The following PTPRD variants were observed in gnomAD, a reference collection of about 807,000 sequenced individuals.
PTPRD encodes the protein protein tyrosine phosphatase receptor type D.
In PTPRD, 34 loss-of-function variants were observed where a neutral mutation model predicts 214.5. The observed-to-expected ratio is 0.16, with a 90% confidence interval of 0.12 to 0.21. PTPRD has a LOEUF of 0.21. Ranked by LOEUF, PTPRD falls within the 10% of genes least tolerant of loss-of-function variation. The probability of loss-of-function intolerance (pLI) is 1.00; values close to 1 mark genes in which losing one functional copy is unlikely to be tolerated. For missense variants in PTPRD, 2,545 were observed against 2,398.7 expected, an observed-to-expected ratio of 1.06 and a Z score of -1.27; for synonymous variants, 1,128 against 845.7, an observed-to-expected ratio of 1.33 and a Z score of -5.79.
chr9:10,120,565 GTATT>G (rs1490993132), intron 3 of PTPRD, among the ~76,000 whole-genome samples: 4 of 151,772 alleles, frequency 2.6e-5, no homozygotes, highest in African/African-American at 4.8e-5. Flanking sequence ...TATTATAAAA[GTATT>G]TGTTTATGAT....
chr9:9,246,627 G>A (rs1003294848), intron 9 of PTPRD, among the ~76,000 whole-genome samples: 1 of 151,962 alleles, frequency 6.6e-6, no homozygotes, highest in African/African-American at 2.4e-5. Flanking sequence ...TCATAGAAAT[G>A]CCTCTTATTA....
intron 7 of PTPRD, among the ~76,000 whole-genome samples, chr9:9,617,015 C>G (rs1390243388): frequency 1.3e-5 from 2 of 152,136 alleles, no homozygotes; most frequent in Non-Finnish European, 2.9e-5. Flanking sequence ...AAGCCAAGAA[C>G]TCAAGTGACC....
chr9:8,690,213 T>C lies in PTPRD; in HGVS notation c.64+43567A>G, dbSNP rs376873862. Among the ~76,000 whole-genome samples the C allele has an allele frequency of 6.0e-4, 92 of 152,214 alleles. 1 individual carries two copies. Among genetic ancestry groups the C allele is most frequent in the African/African-American group, 2.1e-3 (89 of 41,534 alleles). ...GGATATTTTTTCACATATATGACTT[T>C]ACATAATTTTCTTCTTTAAAATATT... is the stretch of plus-strand genomic sequence containing the variant. On this transcript the variant is annotated intron_variant, in intron 12 of 45. Coordinates refer to ENST00000381196, the MANE Select transcript of PTPRD (RefSeq NM_002839.4).
At chr9:9,467,009 C>T (rs2094209604) in intron 8 of PTPRD, among the ~76,000 whole-genome samples, 1 of 151,982 alleles carries the variant, frequency 6.6e-6, no homozygotes, top group Admixed American at 6.6e-5. Context: ...CTAAGTCTTT[C>T]CACTCATGTA....
At chr9:10,524,792 A>G (rs925348082) in intron 2 of PTPRD, among the ~76,000 whole-genome samples, 1 of 152,110 alleles carries the variant, frequency 6.6e-6, no homozygotes, top group Non-Finnish European at 1.5e-5. Flanking sequence ...AATTAAATTC[A>G]TACTATTATA....
At chr9:9,385,755 G>A (rs147040584) in intron 9 of PTPRD, among the ~76,000 whole-genome samples, 14 of 152,182 alleles carry the variant, frequency 9.2e-5, no homozygotes, top group African/African-American at 2.9e-4. Flanking sequence ...TCATTTAGTC[G>A]ACATAACTTT....
intron 9 of PTPRD, among the ~76,000 whole-genome samples, chr9:9,242,628 C>T (rs1255115568): frequency 2.6e-5 from 4 of 152,112 alleles, no homozygotes; most frequent in African/African-American, 4.8e-5. Context: ...TCCAGTTGAT[C>T]GAATCAGCTA....
At chr9:8,353,882 G>GTGTATATATGTATATA (rs1163510444) in intron 39 of PTPRD, among the ~76,000 whole-genome samples, 3 of 140,384 alleles carry the variant, frequency 2.1e-5, no homozygotes, top group African/African-American at 8.1e-5. Flanking sequence ...ATGTATATAT[G>GTGTATATATGTATATA]TGTATATATG....
chr9:9,320,905 G>C (rs1966141138), intron 9 of PTPRD, among the ~76,000 whole-genome samples: 1 of 152,124 alleles, frequency 6.6e-6, no homozygotes, highest in African/African-American at 2.4e-5. Context: ...TGCCAGATAA[G>C]AATTTGTCCT....
At chr9:8,420,359 T>C (rs2094269383) in intron 35 of PTPRD, among the ~76,000 whole-genome samples, 1 of 152,154 alleles carries the variant, frequency 6.6e-6, no homozygotes, top group African/African-American at 2.4e-5. Flanking sequence ...ATCTTGAAAA[T>C]TGTTTCTTAG....
intron 5 of PTPRD, among the ~76,000 whole-genome samples, chr9:9,853,601 T>A (rs2060966026): frequency 6.6e-6 from 1 of 151,864 alleles, no homozygotes; most frequent in Non-Finnish European, 1.5e-5. Flanking sequence ...CAGGCTGGAG[T>A]GCGGTGGTAC....
At chr9:9,463,970 C>T (rs1381967353) in intron 8 of PTPRD, among the ~76,000 whole-genome samples, 1 of 152,180 alleles carries the variant, frequency 6.6e-6, no homozygotes, top group Non-Finnish European at 1.5e-5. Context: ...GCATAACCAG[C>T]TACCTGCTTC....
At chr9:9,426,886 T>C (rs2081172461) in intron 8 of PTPRD, among the ~76,000 whole-genome samples, 1 of 151,932 alleles carries the variant, frequency 6.6e-6, no homozygotes, top group Non-Finnish European at 1.5e-5. Context: ...AAAGGGCATC[T>C]ACACCAAAAC....
intron 12 of PTPRD, among the ~76,000 whole-genome samples, chr9:8,697,722 C>T (rs1246718634): frequency 6.6e-6 from 1 of 151,770 alleles, no homozygotes; most frequent in Non-Finnish European, 1.5e-5. Context: ...CACGCCCAGG[C>T]CTGGATTTTT....
In PTPRD at chr9:8,500,911, G is replaced by A. The variant is rs974199907; in HGVS notation, c.1971C>T (p.Asp657=). 1 of 1,614,124 alleles carries A rather than the reference G, an allele frequency of 6.2e-7. No individual in the cohort carries two copies. ...GAATTCCCAAAATCTCGTGAGGCTT[G>A]TCATCTTCCCCATCCACTGCAGTGT... is the stretch of plus-strand genomic sequence containing the variant. The part of the protein sequence containing the change: ...IKYTAVDGED[D]KPHEILGIPS... Residue 657 remains aspartate, a synonymous_variant, in exon 24 of 46, where the codon GAC becomes GAT. Transcript: ENST00000381196.
chr9:9,293,407 T>C (rs111834973), intron 9 of PTPRD, among the ~76,000 whole-genome samples: 5 of 151,224 alleles, frequency 3.3e-5, no homozygotes, highest in African/African-American at 1.2e-4. Flanking sequence ...TTTTGCATTT[T>C]GTTTCTTTTA....
At chr9:8,906,339 G>C (rs759359197) in intron 11 of PTPRD, among the ~76,000 whole-genome samples, 85 of 152,202 alleles carry the variant, frequency 5.6e-4, no homozygotes, top group Middle Eastern at 3.4e-3. Context: ...CAATTAGTTT[G>C]AGTGACTTAA....
intron 12 of PTPRD, among the ~76,000 whole-genome samples, chr9:8,640,323 T>C (rs914697772): frequency 2.0e-5 from 3 of 151,980 alleles, no homozygotes; most frequent in African/African-American, 7.3e-5. Context: ...CACTACAACC[T>C]GGGTGACAAG....
intron 4 of PTPRD, among the ~76,000 whole-genome samples, chr9:10,012,627 G>A (rs535587322): frequency 2.0e-5 from 3 of 151,808 alleles, no homozygotes; most frequent in African/African-American, 4.8e-5. Flanking sequence ...TCACTATTTC[G>A]TTACCCAAGA....
Sources: gnomAD v4.1 joint callset for allele counts (sites outside exome capture counted in the v4.1 genomes callset) on GRCh38, gnomAD v4.1.1 for gene constraint, MANE v1.5 for transcripts, NCBI Gene and HGNC (gene_info 2026-07-23, HGNC 2026-07-21) for gene names.